Variants in TMEM161B observed in about 807,000 individuals in gnomAD.
TMEM161B encodes transmembrane protein 161B.
Under a neutral mutation model 61.8 loss-of-function variants are expected in TMEM161B, and 34 were observed. That is an observed-to-expected ratio of 0.55 (90% CI 0.42 to 0.73). The LOEUF is 0.73. Ranked by LOEUF, TMEM161B falls within the 30% of genes least tolerant of loss-of-function variation. TMEM161B has a pLI of 0.00. For synonymous variants in TMEM161B, 167 were observed against 192.8 expected (o/e 0.87, Z 1.11); for missense variants, 456 against 558.5 (o/e 0.82, Z 1.85).
intron 9 of TMEM161B, 38 bp downstream of exon 9, chr5:88,202,924 T>C (rs1222695499): frequency 7.7e-7 from 1 of 1,293,956 alleles, no homozygotes. Context: ...TAAAGCAGTT[T>C]TGGTGATAAA....
chr5:88,229,387 T>C lies in TMEM161B; in HGVS notation c.108-859A>G, dbSNP rs1750595892. Among the ~76,000 whole-genome samples the C allele has an allele frequency of 2.0e-5, 3 of 152,216 alleles. No individual in the cohort carries two copies. In the South Asian group the frequency reaches 6.2e-4, roughly 32 times the overall value. On this transcript the variant is annotated intron_variant, in intron 2 of 11. Coordinates refer to ENST00000296595, the MANE Select transcript of TMEM161B (RefSeq NM_153354.5). ...CAGACCTTAGTTCAGTGTATCTTCC[T>C]CTGAACATCTGACTACTGCAAAATT...
chr5:88,265,460 C>T (rs568312873), intron 1 of TMEM161B, among the ~76,000 whole-genome samples: 5 of 152,238 alleles, frequency 3.3e-5, no homozygotes, highest in South Asian at 2.1e-4. Context: ...ACAGGGTTTG[C>T]GCTCCTATGA....
At chr5:88,232,276 C>A (rs1444996798) in intron 2 of TMEM161B, among the ~76,000 whole-genome samples, 1 of 152,084 alleles carries the variant, frequency 6.6e-6, no homozygotes, top group African/African-American at 2.4e-5. Flanking sequence ...ATTTTTCGTC[C>A]CTGTCTATGT....
chr5:88,251,057 C>T (rs1273763685), intron 1 of TMEM161B: 1 of 152,082 alleles, frequency 6.6e-6, no homozygotes, highest in East Asian at 1.9e-4. Flanking sequence ...CTGATCACTG[C>T]CCAAAGTCTC....
At chr5:88,197,612 T>G in intron 11 of TMEM161B, 57 bp downstream of exon 11, 1 of 1,386,670 alleles carries the variant, frequency 7.2e-7, no homozygotes, top group African/African-American at 1.5e-5. Context: ...GACAAAAAGC[T>G]TTATTAATTA....
chr5:88,223,627 C>A (rs1016802854), intron 4 of TMEM161B, among the ~76,000 whole-genome samples: 3 of 152,138 alleles, frequency 2.0e-5, no homozygotes, highest in African/African-American at 7.2e-5. Flanking sequence ...GTGGCTCATG[C>A]CTGTAATCTC....
rs114349384 is a variant in TMEM161B, at chr5:88,256,030, G to A, written c.3+12691C>T. ...ATTTAGAAATAAAAAGACATTTTCC[G>A]CAGTATAAATGACAAGGCAAATGGA... On this transcript the variant is annotated intron_variant, in intron 1 of 11. Transcript: ENST00000296595. Among the ~76,000 whole-genome samples, 279 of 152,148 alleles carry A rather than the reference G, an allele frequency of 1.8e-3. 1 individual carries two copies. The highest frequency in any genetic ancestry group is 3.8e-3 in the Admixed American group (58 of 15,276).
chr5:88,248,828 C>T (rs539808059), intron 1 of TMEM161B, among the ~76,000 whole-genome samples: 27 of 152,042 alleles, frequency 1.8e-4, no homozygotes, highest in African/African-American at 6.0e-4. Context: ...TTTAATTAAC[C>T]TGACTTTTAA....
chr5:88,214,921 T>C (rs534509961), intron 5 of TMEM161B, among the ~76,000 whole-genome samples: 2 of 152,208 alleles, frequency 1.3e-5, no homozygotes, highest in African/African-American at 2.4e-5. Flanking sequence ...GACTCAGTTC[T>C]AGGTTTCAGG....
chr5:88,252,365 A>T (rs919054560), intron 1 of TMEM161B, among the ~76,000 whole-genome samples: 4 of 152,178 alleles, frequency 2.6e-5, no homozygotes, highest in Non-Finnish European at 5.9e-5. Flanking sequence ...TAATAGAAAG[A>T]TCACCTAGGA....
At chr5:88,268,689 G>C in intron 1 of TMEM161B, 32 bp downstream of exon 1, 1 of 1,613,960 alleles carries the variant, frequency 6.2e-7, no homozygotes, top group Non-Finnish European at 8.5e-7. Context: ...TCGCCCCACC[G>C]TTGTCACTCC....
intron 5 of TMEM161B, among the ~76,000 whole-genome samples, chr5:88,217,085 C>A (rs1747996856): frequency 6.6e-6 from 1 of 152,102 alleles, no homozygotes. Context: ...GTCTGTACTG[C>A]AGTTATTAAG....
chr5:88,205,878 GA>G lies in TMEM161B; in HGVS notation c.735del (p.Pro246LeufsTer13). The G allele has an allele frequency of 6.2e-7, 1 of 1,612,784 alleles. No individual in the cohort carries two copies. Among genetic ancestry groups the G allele is most frequent in the Non-Finnish European group, 8.5e-7 (1 of 1,179,302 alleles). ...TGCATTTGAGCCAGTCGTAATCCAG[GA>G]AATGTCAAAAAAGCCCCAATGAATG... ...FCSFIGAFLT[F>X]PGLRLAQMHL... On this transcript the variant is annotated frameshift_variant, in exon 8 of 12. Coordinates refer to ENST00000296595, the MANE Select transcript of TMEM161B (RefSeq NM_153354.5). LOFTEE classifies it high-confidence loss of function.
At chr5:88,243,817 G>C (rs1057407971) in intron 1 of TMEM161B, among the ~76,000 whole-genome samples, 8 of 151,780 alleles carry the variant, frequency 5.3e-5, no homozygotes, top group African/African-American at 1.9e-4. Context: ...TCTCACTGTG[G>C]TTTTGATTTA....
intron 1 of TMEM161B, among the ~76,000 whole-genome samples, chr5:88,248,921 T>C (rs1400893609): frequency 6.6e-6 from 1 of 152,130 alleles, no homozygotes; most frequent in Non-Finnish European, 1.5e-5. Flanking sequence ...CCTCTGGCTT[T>C]TAAGCCTTCT....
intron 5 of TMEM161B, among the ~76,000 whole-genome samples, chr5:88,212,503 A>G (rs561101253): frequency 6.6e-6 from 1 of 152,342 alleles, no homozygotes; most frequent in African/African-American, 2.4e-5. Flanking sequence ...ATTTAGAATA[A>G]CAACTTAATT....
At chr5:88,196,602 T>C in intron 11 of TMEM161B, 114 bp from the exon 12 acceptor site, 1 of 1,043,654 alleles carries the variant, frequency 9.6e-7, no homozygotes, top group Non-Finnish European at 1.3e-6. Flanking sequence ...GCACAGTACA[T>C]CATTTTATGT....
exon 13 of TMEM161B, chr5:88,189,809 A>G (rs1331828464): frequency 2.2e-6 from 1 of 454,288 alleles, no homozygotes; most frequent in African/African-American, 2.0e-5. Flanking sequence ...ATCTAATTTT[A>G]AATAATACCA....
chr5:88,259,490 A>C (rs1328398973), intron 1 of TMEM161B: 1 of 152,234 alleles, frequency 6.6e-6, no homozygotes, highest in Admixed American at 6.5e-5. Context: ...TACACTGATA[A>C]GAAATTCAAG....
Sources: gnomAD v4.1 joint callset for allele counts (sites outside exome capture counted in the v4.1 genomes callset) on GRCh38, gnomAD v4.1.1 for gene constraint, MANE v1.5 for transcripts, NCBI Gene and HGNC (gene_info 2026-07-23, HGNC 2026-07-21) for gene names.